The following ACER3 variants were observed in gnomAD, a reference collection of about 807,000 sequenced individuals.
ACER3 encodes alkaline ceramidase 3.
A neutral mutation model predicts 48.9 loss-of-function variants in ACER3; 16 were observed. That is an observed-to-expected ratio of 0.33 (90% confidence interval 0.22 to 0.50). The LOEUF (loss-of-function observed/expected upper bound fraction) is 0.50, where lower values mean the gene tolerates loss of function less well. Ranked by LOEUF, ACER3 falls within the 20% of genes least tolerant of loss-of-function variation. ACER3 has a pLI of 0.98. For synonymous variants in ACER3, 109 were observed against 107.8 expected, an observed-to-expected ratio of 1.01 and a Z score of -0.07; for missense variants, 227 against 326.0, an observed-to-expected ratio of 0.70 and a Z score of 2.34.
At chr11:76,865,741 T>C (rs1312584805) in intron 1 of ACER3, among the ~76,000 whole-genome samples, 2 of 152,090 alleles carry the variant, frequency 1.3e-5, no homozygotes, top group African/African-American at 4.8e-5. Context: ...ATGCCTGACC[T>C]GCAGTGATTC....
chr11:76,879,472 T>C (rs1017781106), intron 1 of ACER3, among the ~76,000 whole-genome samples: 3 of 152,212 alleles, frequency 2.0e-5, no homozygotes, highest in Non-Finnish European at 2.9e-5. Context: ...CAGGGCAATG[T>C]TGAGTAGAAA....
At chr11:77,016,588 T>A in intron 8 of ACER3, 87 bp from the exon 9 acceptor site, 1 of 652,814 alleles carries the variant, frequency 1.5e-6, no homozygotes, top group Non-Finnish European at 2.6e-6. Context: ...GTTTTGAGAA[T>A]GATATTTCAA....
intron 2 of ACER3, among the ~76,000 whole-genome samples, chr11:76,947,265 T>C (rs1947502617): frequency 6.6e-6 from 1 of 152,188 alleles, no homozygotes; most frequent in African/African-American, 2.4e-5. Flanking sequence ...GCCAGAGGAA[T>C]TTATGACAGT....
At chr11:76,920,056 A>G (rs1946646007) in intron 1 of ACER3, among the ~76,000 whole-genome samples, 1 of 152,166 alleles carries the variant, frequency 6.6e-6, no homozygotes, top group Non-Finnish European at 1.5e-5. Context: ...CCAGAGAGAC[A>G]TTGCAAGAGG....
chr11:76,864,905 T>C (rs777404046), intron 1 of ACER3, among the ~76,000 whole-genome samples: 1 of 147,292 alleles, frequency 6.8e-6, no homozygotes, highest in Non-Finnish European at 1.5e-5. Context: ...AGTTGTCTTT[T>C]TTCTTTTAAA....
intron 1 of ACER3, among the ~76,000 whole-genome samples, chr11:76,896,311 C>T (rs1006466475): frequency 3.9e-5 from 6 of 152,024 alleles, no homozygotes; most frequent in Admixed American, 2.0e-4. Flanking sequence ...CAGAACCTTT[C>T]GTGAAGTTTT....
At chr11:76,875,740 T>G (rs551820365) in intron 1 of ACER3, among the ~76,000 whole-genome samples, 21 of 133,478 alleles carry the variant, frequency 1.6e-4, no homozygotes, top group Non-Finnish European at 2.9e-4. Flanking sequence ...TTGTTTTTTT[T>G]TTTTTTTTTT....
At chr11:76,961,471 T>C (rs1470630444) in intron 3 of ACER3, among the ~76,000 whole-genome samples, 1 of 151,430 alleles carries the variant, frequency 6.6e-6, no homozygotes, top group African/African-American at 2.4e-5. Context: ...AGCCAAAGAA[T>C]ATACCTAGCA....
intron 7 of ACER3, among the ~76,000 whole-genome samples, chr11:77,006,543 T>A (rs1949154721): frequency 6.6e-6 from 1 of 152,110 alleles, no homozygotes; most frequent in South Asian, 2.1e-4. Flanking sequence ...GTCTCTTAGG[T>A]TTCCTTCACC....
At chr11:76,994,638 T>C (rs1230328909) in intron 6 of ACER3, among the ~76,000 whole-genome samples, 3 of 152,200 alleles carry the variant, frequency 2.0e-5, no homozygotes, top group Non-Finnish European at 4.4e-5. Context: ...ACATGAATTT[T>C]TAGGATGAAA....
intron 1 of ACER3, among the ~76,000 whole-genome samples, chr11:76,881,118 G>T (rs757243351): frequency 2.6e-5 from 4 of 152,028 alleles, no homozygotes; most frequent in Non-Finnish European, 5.9e-5. Context: ...AGCCCCGCAT[G>T]GTGGTGCACA....
chr11:76,882,253 C>T (rs1033880178), intron 1 of ACER3, among the ~76,000 whole-genome samples: 8 of 74,002 alleles, frequency 1.1e-4, no homozygotes, highest in East Asian at 6.4e-4. Context: ...AATCTGCCCG[C>T]GTCAACTGCC....
At chr11:76,969,903 A>G (rs1948248249) in intron 3 of ACER3, among the ~76,000 whole-genome samples, 1 of 151,774 alleles carries the variant, frequency 6.6e-6, no homozygotes, top group South Asian at 2.1e-4. Flanking sequence ...TATGTAACAA[A>G]CCTGCATATT....
At chr11:76,894,839 G>T (rs769218537) in intron 1 of ACER3, among the ~76,000 whole-genome samples, 4 of 152,118 alleles carry the variant, frequency 2.6e-5, no homozygotes, top group Non-Finnish European at 5.9e-5. Flanking sequence ...AAGCATTGAG[G>T]GTATGCAAGA....
At chr11:76,940,183 A>G (rs189563808) in intron 2 of ACER3, among the ~76,000 whole-genome samples, 1 of 151,954 alleles carries the variant, frequency 6.6e-6, no homozygotes, top group African/African-American at 2.4e-5. Context: ...GGTTCTCACT[A>G]TGTTGGCCTG....
intron 3 of ACER3, among the ~76,000 whole-genome samples, chr11:76,972,733 T>A (rs537049396): frequency 3.3e-4 from 51 of 152,260 alleles, no homozygotes; most frequent in African/African-American, 1.2e-3. Context: ...TGAGGGTGCA[T>A]GTGTCTCCCT....
chr11:76,972,791 G>A (rs1010831894), intron 3 of ACER3, among the ~76,000 whole-genome samples: 4 of 152,170 alleles, frequency 2.6e-5, no homozygotes, highest in Non-Finnish European at 4.4e-5. Context: ...TGTACCAGGG[G>A]GTGAAGGTCT....
At chr11:76,901,733 G>A (rs1946088456) in intron 1 of ACER3, among the ~76,000 whole-genome samples, 1 of 152,122 alleles carries the variant, frequency 6.6e-6, no homozygotes, top group African/African-American at 2.4e-5. Flanking sequence ...GCATGCACCG[G>A]TAATTAGATT....
chr11:76,870,339 G>T (rs766164489), intron 1 of ACER3, among the ~76,000 whole-genome samples: 3 of 151,830 alleles, frequency 2.0e-5, no homozygotes, highest in Non-Finnish European at 2.9e-5. Context: ...TCACTATGTT[G>T]CCCAGGCTGG....
Sources: gnomAD v4.1 joint callset for allele counts (sites outside exome capture counted in the v4.1 genomes callset) on GRCh38, gnomAD v4.1.1 for gene constraint, MANE v1.5 for transcripts, NCBI Gene and HGNC (gene_info 2026-07-23, HGNC 2026-07-21) for gene names.